The following RAB3GAP1 variants were observed in gnomAD, a reference collection of about 807,000 sequenced individuals.
The protein encoded by RAB3GAP1 is rab3 GTPase-activating protein catalytic subunit.
RAB3GAP1 carries 86 observed loss-of-function variants against 130.7 expected under a neutral mutation model. That is an observed-to-expected ratio of 0.66 (90% CI 0.55 to 0.79). RAB3GAP1 has a LOEUF of 0.79. Ranked by LOEUF, RAB3GAP1 falls within the 30% of genes least tolerant of loss-of-function variation. The pLI, the probability that RAB3GAP1 is intolerant of heterozygous loss-of-function variation, is 0.00. For synonymous variants in RAB3GAP1, 367 were observed against 401.7 expected (o/e 0.91, Z 1.03); for missense variants, 1,029 against 1,169.4 (o/e 0.88, Z 1.75).
At chr2:135,150,559 A>G in intron 18 of RAB3GAP1, 53 bp downstream of exon 18, 3 of 1,609,376 alleles carry the variant, frequency 1.9e-6, no homozygotes, top group Non-Finnish European at 2.5e-6. Flanking sequence ...TCTGGGATGA[A>G]ACTGTGAAAA....
chr2:135,162,353 T>C (rs557691295), intron 19 of RAB3GAP1: 12 of 575,264 alleles, frequency 2.1e-5, no homozygotes, highest in African/African-American at 1.7e-4. Context: ...CAGAAAAAAA[T>C]AGAATATTTA....
chr2:135,106,756 TA>T (rs201827793), intron 5 of RAB3GAP1, among the ~76,000 whole-genome samples: 34 of 65,636 alleles, frequency 5.2e-4, no homozygotes, highest in African/African-American at 9.9e-4. Context: ...CAATAAATAC[TA>T]AAAAAAAAAA....
chr2:135,157,762 G>A (rs560705952), intron 19 of RAB3GAP1, among the ~76,000 whole-genome samples: 21 of 150,872 alleles, frequency 1.4e-4, no homozygotes, highest in Admixed American at 5.3e-4. Flanking sequence ...AACCTGGGAG[G>A]CAGAGGTTGC....
rs1394847673 is a variant in RAB3GAP1 at position 135,168,878 on chromosome 2, G to T, written c.*97G>T. On this transcript the variant is annotated 3_prime_UTR_variant, in exon 24 of 24. Coordinates refer to ENST00000264158, the MANE Select transcript of RAB3GAP1 (RefSeq NM_012233.3). ...GAGAACCTGGGAGGTCCTGGAGAGG[G>T]CCCTGTCCAGTTGGGTGATCAGGAA... 2 of 1,032,866 alleles carry T rather than the reference G, an allele frequency of 1.9e-6. No individual in the cohort carries two copies. Among genetic ancestry groups the T allele is most frequent in the East Asian group, 4.7e-5 (2 of 42,310 alleles). 64.0% of individuals were successfully genotyped at this position (1,032,866 alleles called of 1,614,324 possible). A position where few individuals can be genotyped will look rare whatever the true frequency, so the allele number is the denominator to read the frequency against.
Position 135,134,007 on chromosome 2 carries a change from A to G in RAB3GAP1, c.1473A>G (p.Arg491=), listed in dbSNP as rs1176212395. The G allele has an allele frequency of 1.2e-6, 2 of 1,613,778 alleles. No individual in the cohort carries two copies. Among genetic ancestry groups the G allele is most frequent in the Non-Finnish European group, 1.7e-6 (2 of 1,179,818 alleles). Residue 491 remains arginine (R), a synonymous_variant, in exon 15 of 24, where the codon CGA becomes CGG. Transcript: ENST00000264158. The part of the protein sequence containing the change: ...WQEFVLEMRF[R]WENNFLIPGL... ...AATTTGTTCTTGAAATGCGTTTCCG[A>G]TGGGAAAACAACTTTCTGATTCCAG...
chr2:135,125,505 T>C (rs1270005137), intron 9 of RAB3GAP1, among the ~76,000 whole-genome samples: 5 of 152,184 alleles, frequency 3.3e-5, no homozygotes, highest in Admixed American at 3.3e-4. Flanking sequence ...AGATTGACAA[T>C]AATAACTAAT....
At chr2:135,088,088 C>G (rs1186797516) in intron 3 of RAB3GAP1, among the ~76,000 whole-genome samples, 1 of 152,082 alleles carries the variant, frequency 6.6e-6, no homozygotes, top group African/African-American at 2.4e-5. Context: ...AGATCTTCCT[C>G]TAGATAGTTG....
At chr2:135,092,542 A>G (rs919410598) in intron 4 of RAB3GAP1, among the ~76,000 whole-genome samples, 3 of 152,006 alleles carry the variant, frequency 2.0e-5, no homozygotes, top group Admixed American at 6.6e-5. Flanking sequence ...GTTCAAGCAA[A>G]TCTCCTGCCT....
chr2:135,106,270 A>G (rs1275642998), intron 5 of RAB3GAP1, among the ~76,000 whole-genome samples: 2 of 152,238 alleles, frequency 1.3e-5, no homozygotes, highest in Admixed American at 6.5e-5. Flanking sequence ...CCAACAGCTC[A>G]TTGAGAACGG....
In RAB3GAP1 at chr2:135,130,582, A is replaced by C; in HGVS notation, c.1097A>C (p.Lys366Thr). Residue 366 changes from lysine (K) to threonine (T), a missense_variant, in exon 13 of 24, where the codon AAA (lysine) becomes ACA (threonine). Lys to Thr is a moderately conservative substitution (Grantham distance 78, BLOSUM62 -1). Around this residue, in one of 3 missense-constraint regions of RAB3GAP1, gnomAD observed 510 missense variants for 532.1 expected, o/e 0.96. Transcript: ENST00000264158. Reference sequence around the variant, plus strand: ...GCTGATATAACTCATGCTTTGTCAAAATTGACAGAGCCGGCATCAGTTCCA... The same window carrying C: ...GCTGATATAACTCATGCTTTGTCAACATTGACAGAGCCGGCATCAGTTCCA... ...ETADITHALS[K>T]LTEPASVPIH... 6.2e-7 allele frequency: 1 copy of C among 1,613,672 alleles called. No individual in the cohort carries two copies.
rs138142951 is a variant in RAB3GAP1, at chr2:135,149,661, A to G, written c.1924-708A>G. ...ACCAGAGATGATCATTGTTAGAGCA[A>G]TTTTTTTTTGGAGACAGAGTCTCGC... is the stretch of plus-strand genomic sequence containing the variant. On this transcript the variant is annotated intron_variant, in intron 17 of 23. Transcript: ENST00000264158. 7.3e-5 allele frequency among the ~76,000 whole-genome samples: 11 copies of G among 151,526 alleles called. No individual in the cohort carries two copies. In the East Asian group the frequency reaches 1.9e-3, roughly 27 times the overall value.
chr2:135,065,641 G>T (rs1689296439), intron 3 of RAB3GAP1, among the ~76,000 whole-genome samples: 1 of 151,958 alleles, frequency 6.6e-6, no homozygotes, highest in African/African-American at 2.4e-5. Flanking sequence ...ATGTCAGATG[G>T]TAATGTACCA....
At chr2:135,122,972 A>C (rs1691246034) in intron 8 of RAB3GAP1, among the ~76,000 whole-genome samples, 1 of 151,798 alleles carries the variant, frequency 6.6e-6, no homozygotes, top group African/African-American at 2.4e-5. Flanking sequence ...CAGGTGATCC[A>C]CCCTCCCCAG....
In RAB3GAP1 at chr2:135,132,944, C is replaced by T. The variant is rs750919819; in HGVS notation, c.1286C>T (p.Ser429Leu). 6.3e-7 allele frequency: 1 copy of T among 1,583,600 alleles called. No homozygotes were observed. Among genetic ancestry groups the T allele is most frequent in the South Asian group, 1.1e-5 (1 of 90,414 alleles). The change falls in exon 14 of 24, where the codon TCA becomes TTA. Residue 429 changes from serine (S) to leucine (L), a missense_variant. Physicochemically the swap from Ser to Leu is moderately radical, Grantham distance 145. This residue lies in a region of RAB3GAP1 where 510 missense variants were observed against 532.1 expected (regional missense o/e 0.96). Transcript: ENST00000264158. ...VSEKPLDGTT[S>L]TDNNNPPSES... Reference sequence around the variant, plus strand: ...GAGAAACCATTAGATGGAACTACTTCAACAGATAATAATAATCCTCCATCA... The same window carrying T: ...GAGAAACCATTAGATGGAACTACTTTAACAGATAATAATAATCCTCCATCA...
intron 19 of RAB3GAP1, among the ~76,000 whole-genome samples, chr2:135,161,506 A>G (rs1344601378): frequency 6.6e-6 from 1 of 152,184 alleles, no homozygotes; most frequent in Non-Finnish European, 1.5e-5. Context: ...AAAAAACCAT[A>G]AAGAAAAGCA....
intron 2 of RAB3GAP1, among the ~76,000 whole-genome samples, chr2:135,054,937 T>C (rs981069751): frequency 3.3e-5 from 5 of 152,252 alleles, no homozygotes; most frequent in Admixed American, 1.3e-4. Flanking sequence ...CAATATGTTA[T>C]GAACTATATA....
At chr2:135,102,125 T>C (rs888297707) in intron 5 of RAB3GAP1, among the ~76,000 whole-genome samples, 1 of 152,236 alleles carries the variant, frequency 6.6e-6, no homozygotes, top group Non-Finnish European at 1.5e-5. Flanking sequence ...GTAGGGAGAT[T>C]TATCCTGGAT....
chr2:135,153,661 G>T lies in RAB3GAP1; in HGVS notation c.2074G>T (p.Gly692Cys), dbSNP rs747291166. The T allele has an allele frequency of 2.2e-5, 36 of 1,613,808 alleles. No homozygotes were observed. Among genetic ancestry groups the T allele is most frequent in the Non-Finnish European group, 3.0e-5 (35 of 1,179,884 alleles). ...DMESFKAANP[G>C]CSLEDFVRWY... ...TGTCTTATTTTAGGCAGCTAATCCA[G>T]GTTGCTCCCTGGAAGATTTTGTGAG... Residue 692 changes from glycine (G) to cysteine (C), a missense_variant, in exon 19 of 24, where the codon GGT (glycine) becomes TGT (cysteine). Gly to Cys is a radical substitution (Grantham distance 159). Coordinates refer to ENST00000264158, the MANE Select transcript of RAB3GAP1 (RefSeq NM_012233.3).
chr2:135,146,971 A>AACACACACAC (rs34094441), intron 17 of RAB3GAP1, among the ~76,000 whole-genome samples: 3 of 147,428 alleles, frequency 2.0e-5, no homozygotes, highest in Admixed American at 1.4e-4. Flanking sequence ...AGGGGGTATA[A>AACACACACAC]ACACACACAC....
Sources: gnomAD v4.1 joint callset for allele counts (sites outside exome capture counted in the v4.1 genomes callset) on GRCh38, gnomAD v4.1.1 for gene constraint, gnomAD v4.1.1 regional missense constraint, MANE v1.5 for transcripts, NCBI Gene and HGNC (gene_info 2026-07-23, HGNC 2026-07-21) for gene names.